The following KMT2A variants were observed in gnomAD, a reference collection of about 807,000 sequenced individuals.
The protein encoded by KMT2A is histone-lysine N-methyltransferase 2A.
KMT2A carries 16 observed loss-of-function variants against 345.3 expected under a neutral mutation model. That is an observed-to-expected ratio of 0.05 (90% CI 0.03 to 0.07). The LOEUF (loss-of-function observed/expected upper bound fraction) is 0.07. Among genes scored for constraint, KMT2A ranks in the 10% least tolerant of loss-of-function variants. The pLI is 1.00. For missense variants in KMT2A, 3,272 were observed against 4,841.6 expected (o/e 0.68, Z 9.62); for synonymous variants, 1,599 against 1,778.6 (o/e 0.90, Z 2.54).
rs61752725 is a variant in KMT2A at position 118,504,460 on chromosome 11, A to G, written c.8568A>G (p.Val2856=). 1.2e-6 allele frequency: 2 copies of G among 1,614,106 alleles called. No individual in the cohort carries two copies. The highest frequency in any genetic ancestry group is 2.7e-5 in the African/African-American group (2 of 74,934). ...NILPSDIMDF[V]LKNTPSMQAL... Reference sequence around the variant, plus strand: ...TGCCTTCAGACATTATGGACTTTGTACTAAAGAATACTCCATCCATGCAGG... The same window carrying G: ...TGCCTTCAGACATTATGGACTTTGTGCTAAAGAATACTCCATCCATGCAGG... The change falls in exon 27 of 36, where the codon GTA becomes GTG. Residue 2856 remains valine (V), a synonymous_variant. Coordinates refer to ENST00000534358, the MANE Select transcript of KMT2A (RefSeq NM_001197104.2). This position sits in a 1 kb window ranked among gnomAD's most constrained non-coding sequence, Gnocchi z 6.4.
At position 118,505,506 on chromosome 11, in the gene KMT2A, G is replaced by T. The variant is rs1555047822; in HGVS notation, c.9614G>T (p.Ser3205Ile). Residue 3205 changes from serine to isoleucine, a missense_variant, in exon 27 of 36, where the codon AGC becomes ATC. Ser to Ile is a moderately radical substitution (Grantham distance 142). Coordinates refer to ENST00000534358, the MANE Select transcript of KMT2A (RefSeq NM_001197104.2). This position sits in a 1 kb window ranked among gnomAD's most constrained non-coding sequence, Gnocchi z 4.6. The stretch of plus-strand genomic sequence containing the variant: ...CCCCAACTTTTGGTTTCAGAATCCA[G>T]CCAGAGGACAGACCTCAGTACCACA... ...PDPQLLVSES[S>I]QRTDLSTTVA... The T allele has an allele frequency of 6.2e-7, 1 of 1,614,148 alleles. No homozygotes were observed. The highest frequency in any genetic ancestry group is 8.5e-7 in the Non-Finnish European group (1 of 1,180,016).
intron 31 of KMT2A, among the ~76,000 whole-genome samples, chr11:118,512,683 T>C (rs1591296089): frequency 6.6e-6 from 1 of 152,228 alleles, no homozygotes; most frequent in East Asian, 1.9e-4. Context: ...ATGGTAACTC[T>C]TTAACTTTTT....
At position 118,495,578 on chromosome 11, in the gene KMT2A, T is replaced by C; in HGVS notation, c.5364-122T>C. Reference sequence around the variant, plus strand: ...TCAGCAATTTTCAAACGCTGTGACTTGTTCTTATATTCTGTGAATGGCTCC... The same window carrying C: ...TCAGCAATTTTCAAACGCTGTGACTCGTTCTTATATTCTGTGAATGGCTCC... On this transcript the variant is annotated intron_variant, in intron 18 of 35. Transcript: ENST00000534358. The surrounding 1 kb of genome is among the most constrained non-coding windows in gnomAD (Gnocchi z 4.1). The C allele has an allele frequency of 1.6e-6, 1 of 639,610 alleles. No individual in the cohort carries two copies. Among genetic ancestry groups the C allele is most frequent in the Admixed American group, 3.5e-5 (1 of 28,458 alleles). The allele number at this position is 639,610 out of a possible 1,614,324, so 39.6% of individuals were successfully genotyped here. A position where few individuals can be genotyped will look rare whatever the true frequency, so the allele number is the denominator to read the frequency against.
rs1034149768 is a variant in KMT2A at position 118,520,424 on chromosome 11, G to A, written c.11429+360G>A. 3.6e-5 allele frequency: 12 copies of A among 329,086 alleles called. No homozygotes were observed. The highest frequency in any genetic ancestry group is 1.2e-4 in the East Asian group (2 of 16,362). 20.4% of individuals were successfully genotyped at this position (329,086 alleles called of 1,614,324 possible). ...TTCCAGCACTTTGGAAGTCCGAGGC[G>A]GACAGATCATGAGGTCAGGAGTTCG... On this transcript the variant is annotated intron_variant, in intron 33 of 35. Coordinates refer to ENST00000534358, the MANE Select transcript of KMT2A (RefSeq NM_001197104.2). This position sits in a 1 kb window ranked among gnomAD's most constrained non-coding sequence, Gnocchi z 4.3.
At position 118,505,265 on chromosome 11, in the gene KMT2A, T is replaced by G. The variant is rs146069428; in HGVS notation, c.9373T>G (p.Leu3125Val). ...PSVMETNTSV[L>V]GPMGGGLTLT... is the part of the protein sequence containing the mutation. ...TGTGATGGAGACAAATACTTCAGTATTGGGACCCATGGGAGGTGGTCTCAC... is the reference window on the plus strand; with the variant it reads ...TGTGATGGAGACAAATACTTCAGTAGTGGGACCCATGGGAGGTGGTCTCAC... Residue 3125 changes from leucine to valine, a missense_variant, in exon 27 of 36, where the codon TTG becomes GTG. Coordinates refer to ENST00000534358, the MANE Select transcript of KMT2A (RefSeq NM_001197104.2). The surrounding 1 kb of genome is among the most constrained non-coding windows in gnomAD (Gnocchi z 4.6). The G allele has an allele frequency of 1.2e-6, 2 of 1,614,220 alleles. No individual in the cohort carries two copies. Among genetic ancestry groups the G allele is most frequent in the South Asian group, 2.2e-5 (2 of 91,078 alleles).
In KMT2A at chr11:118,484,801, A is replaced by AT. The variant is rs879986772; in HGVS notation, c.4219-57dup. 9.2e-5 allele frequency: 102 copies of AT among 1,103,998 alleles called. No homozygotes were observed. The South Asian group carries it at 1.3e-3, about 14-fold the overall frequency. 68.4% of individuals were successfully genotyped at this position (1,103,998 alleles called of 1,614,324 possible). On this transcript the variant is annotated intron_variant, in intron 9 of 35. Transcript: ENST00000534358. This position sits in a 1 kb window ranked among gnomAD's most constrained non-coding sequence, Gnocchi z 4.1. The stretch of plus-strand genomic sequence containing the variant: ...CACTAATTTTATGCTTTTCATCCTT[A>AT]TTTTCCATCCAAAGTTGTGTAATTG...
In KMT2A at chr11:118,472,054, A is replaced by G; in HGVS notation, c.895A>G (p.Ile299Val). 6.2e-7 allele frequency: 1 copy of G among 1,613,658 alleles called. No homozygotes were observed. The highest frequency in any genetic ancestry group is 8.5e-7 in the Non-Finnish European group (1 of 1,179,942). Reference protein sequence around the residue: ...KLQIGRKGVQIVRRRGRPPST... With the variant: ...KLQIGRKGVQVVRRRGRPPST... ...TCAAATAGGAAGGAAGGGGGTACAA[A>G]TTGTACGACGGAGAGGAAGGCCTCC... Residue 299 changes from isoleucine to valine, a missense_variant, in exon 3 of 36, where the codon ATT (isoleucine) becomes GTT (valine). Physicochemically the swap from Ile to Val is conservative, Grantham distance 29. Transcript: ENST00000534358.
chr11:118,513,795 G>A (rs1231162309), intron 31 of KMT2A, among the ~76,000 whole-genome samples: 1 of 151,476 alleles, frequency 6.6e-6, no homozygotes, highest in Non-Finnish European at 1.5e-5. Flanking sequence ...AAATTAGGCA[G>A]GCATGATGGC....
Position 118,505,379 on chromosome 11 carries a change from C to G in KMT2A, c.9487C>G (p.Gln3163Glu). The G allele has an allele frequency of 1.2e-6, 2 of 1,614,174 alleles. No homozygotes were observed. Among genetic ancestry groups the G allele is most frequent in the East Asian group, 4.5e-5 (2 of 44,882 alleles). The change falls in exon 27 of 36, where the codon CAG becomes GAG. Residue 3163 changes from glutamine to glutamate, a missense_variant. By Grantham distance (29) the Gln-to-Glu change is conservative. This residue lies in a region of KMT2A where 748 missense variants were observed against 922.2 expected (regional missense o/e 0.81). Coordinates refer to ENST00000534358, the MANE Select transcript of KMT2A (RefSeq NM_001197104.2). The surrounding 1 kb of genome is among the most constrained non-coding windows in gnomAD (Gnocchi z 4.6). ...AGGATTGCTACCCATGTCTCATCAC[C>G]AGCACTTACATTCCTTCCCTGCAGC... ...SKGLLPMSHH[Q>E]HLHSFPAATQ...
At position 118,497,468 on chromosome 11, in the gene KMT2A, T is replaced by A. The variant is rs1950428098; in HGVS notation, c.5665-468T>A. On this transcript the variant is annotated intron_variant, in intron 20 of 35. Transcript: ENST00000534358. The surrounding 1 kb of genome is among the most constrained non-coding windows in gnomAD (Gnocchi z 4.8). ...TAGAGTACAGTGGCATGCTTTTGGC[T>A]CACTGCAATCTCGGCTTCCGGGGCT... 6.6e-6 allele frequency among the ~76,000 whole-genome samples: 1 copy of A among 152,196 alleles called. No individual in the cohort carries two copies. Among genetic ancestry groups the A allele is most frequent in the South Asian group, 2.1e-4 (1 of 4,834 alleles).
At position 118,497,047 on chromosome 11, in the gene KMT2A, C is replaced by T. The variant is rs1288207356; in HGVS notation, c.5664+680C>T. Among the ~76,000 whole-genome samples, 4 of 152,162 alleles carry T rather than the reference C, an allele frequency of 2.6e-5. No homozygotes were observed. Among genetic ancestry groups the T allele is most frequent in the Non-Finnish European group, 4.4e-5 (3 of 67,998 alleles). ...AGGCTGGAGTTTCGCTCTTGTTGCC[C>T]AGGCTGGAGTGCAATGGCGTGATCT... On this transcript the variant is annotated intron_variant, in intron 20 of 35. Coordinates refer to ENST00000534358, the MANE Select transcript of KMT2A (RefSeq NM_001197104.2). This position sits in a 1 kb window ranked among gnomAD's most constrained non-coding sequence, Gnocchi z 4.8.
At chr11:118,451,207 C>CTTT (rs1167567348) in intron 1 of KMT2A, among the ~76,000 whole-genome samples, 8 of 120,974 alleles carry the variant, frequency 6.6e-5, no homozygotes, top group East Asian at 4.9e-4. Flanking sequence ...CTATCTAATT[C>CTTT]TTTTTTTTTT....
chr11:118,475,506 G>A (rs1417315062), intron 3 of KMT2A, among the ~76,000 whole-genome samples: 1 of 152,124 alleles, frequency 6.6e-6, no homozygotes, highest in East Asian at 1.9e-4. Context: ...GGTGGATCAC[G>A]AGGTCAGGAG....
In KMT2A at chr11:118,457,409, G is replaced by A. The variant is rs1613361; in HGVS notation, c.433-11366G>A. ...AGCCTCCTGAGTAGCTGGGACTACA[G>A]GTGCCCACCACCACGCCTGGCTAAT... On this transcript the variant is annotated intron_variant, in intron 1 of 35. Transcript: ENST00000534358. Among the ~76,000 whole-genome samples, 135 of 151,568 alleles carry A rather than the reference G, an allele frequency of 8.9e-4. 1 individual carries two copies. The highest frequency in any genetic ancestry group is 3.1e-3 in the African/African-American group (126 of 41,298).
At chr11:118,478,828 T>A (rs143205627) in intron 5 of KMT2A, among the ~76,000 whole-genome samples, 88 of 152,202 alleles carry the variant, frequency 5.8e-4, no homozygotes, top group Non-Finnish European at 1.0e-3. Flanking sequence ...TGATCATAGC[T>A]CACTGCCAAC....
chr11:118,495,604 T>C lies in KMT2A; in HGVS notation c.5364-96T>C, dbSNP rs9332823. 2.0e-3 allele frequency: 1,863 copies of C among 913,036 alleles called. 18 individuals are homozygous for C. The African/African-American group carries it at 0.028, about 14-fold the overall frequency. The allele number at this position is 913,036 out of a possible 1,614,324, so 56.6% of individuals were successfully genotyped here. A position where few individuals can be genotyped will look rare whatever the true frequency, so the allele number is the denominator to read the frequency against. ...GTTCTTATATTCTGTGAATGGCTCC[T>C]ACATGGGGCAACAGGTGATATCAAG... On this transcript the variant is annotated intron_variant, in intron 18 of 35. Transcript: ENST00000534358. This position sits in a 1 kb window ranked among gnomAD's most constrained non-coding sequence, Gnocchi z 4.1.
chr11:118,462,313 TTTTG>T lies in KMT2A; in HGVS notation c.433-6458_433-6455del, dbSNP rs1339337472. ...TTCTCAACTTGGCTTTACTTAGTTT[TTTTG>T]TTTTGTTTTGTTTTGTTTTGTTTTG... On this transcript the variant is annotated intron_variant, in intron 1 of 35. Transcript: ENST00000534358. Among the ~76,000 whole-genome samples the T allele has an allele frequency of 1.7e-4, 26 of 149,510 alleles. No homozygotes were observed. In the Admixed American group the frequency reaches 1.8e-3, roughly 10 times the overall value.
At chr11:118,500,911 A>C in intron 24 of KMT2A, 76 bp from the exon 25 acceptor site, 3 of 1,182,008 alleles carry the variant, frequency 2.5e-6, no homozygotes, top group Non-Finnish European at 2.4e-6. Context: ...CCTAGGATAA[A>C]GAGAGGTTTT....
In KMT2A at chr11:118,514,655, CAG is replaced by C. The variant is rs575303381; in HGVS notation, c.11146+2633_11146+2634del. On this transcript the variant is annotated intron_variant, in intron 31 of 35. Coordinates refer to ENST00000534358, the MANE Select transcript of KMT2A (RefSeq NM_001197104.2). ...TTATTTTTATTTTTATTTTTTGAGACAGAGTTTCTTTCCTGTTGCCCAGGCTG... is the reference window on the plus strand; with the variant it reads ...TTATTTTTATTTTTATTTTTTGAGACAGTTTCTTTCCTGTTGCCCAGGCTG... 8.0e-5 allele frequency among the ~76,000 whole-genome samples: 12 copies of C among 150,466 alleles called. No individual in the cohort carries two copies. The South Asian group carries it at 1.9e-3, about 24-fold the overall frequency.
Sources: allele counts gnomAD v4.1 joint callset (sites outside exome capture counted in the v4.1 genomes callset), GRCh38; gene constraint gnomAD v4.1.1; regional missense constraint gnomAD v4.1.1; non-coding constraint Gnocchi (gnomAD v3.1); transcripts MANE v1.5; gene names NCBI Gene and HGNC (gene_info 2026-07-23, HGNC 2026-07-21).